The following LEKR1 variants were observed in gnomAD, a reference collection of about 807,000 sequenced individuals.
The protein encoded by LEKR1 is protein LEKR1.
In LEKR1, 59 loss-of-function variants were observed where a neutral mutation model predicts 72.4. The ratio of observed to expected loss-of-function variants is 0.82; its 90% CI spans 0.66 to 1.01. The LOEUF is 1.01. Among genes scored for constraint, LEKR1 ranks in the 50% least tolerant of loss-of-function variants. LEKR1 has a pLI of 0.00. For synonymous variants in LEKR1, 257 were observed against 263.2 expected (o/e 0.98, Z 0.23); for missense variants, 728 against 759.2 (o/e 0.96, Z 0.48).
intron 10 of LEKR1, among the ~76,000 whole-genome samples, chr3:157,023,830 A>G (rs936721675): frequency 6.6e-6 from 1 of 152,224 alleles, no homozygotes; most frequent in African/African-American, 2.4e-5. Flanking sequence ...TTCTAGCATT[A>G]TGATTCTATC....
chr3:156,872,662 A>G (rs1410439734), intron 3 of LEKR1, among the ~76,000 whole-genome samples: 1 of 151,984 alleles, frequency 6.6e-6, no homozygotes, highest in East Asian at 1.9e-4. Flanking sequence ...GTTTGTTTCA[A>G]AGAAGTTTTT....
intron 7 of LEKR1, among the ~76,000 whole-genome samples, chr3:156,987,055 TTG>T (rs1730756720): frequency 6.6e-6 from 1 of 151,664 alleles, no homozygotes; most frequent in African/African-American, 2.4e-5. Context: ...TTGTATTGTA[TTG>T]TATTGTATTG....
At position 157,028,389 on chromosome 3, in the gene LEKR1, A is replaced by G. The variant is rs575770788; in HGVS notation, c.1655A>G (p.Gln552Arg). 3 of 1,592,162 alleles carry G rather than the reference A, an allele frequency of 1.9e-6. No homozygotes were observed. Among genetic ancestry groups the G allele is most frequent in the East Asian group, 4.5e-5 (2 of 44,442 alleles). Reference protein sequence around the residue: ...AQTQLIEQFNQSQEENTFLQE... With the variant: ...AQTQLIEQFNRSQEENTFLQE... ...ACACAACTGATAGAGCAATTTAACC[A>G]GTCCCAGGAAGAGGTAGGAAGCAGA... is the stretch of plus-strand genomic sequence containing the variant. The change falls in exon 12 of 13, where the codon CAG becomes CGG. Residue 552 changes from glutamine to arginine, a missense_variant. Coordinates refer to ENST00000356539, the MANE Select transcript of LEKR1 (RefSeq NM_001004316.3).
At chr3:156,895,752 A>C (rs1721116777) in intron 3 of LEKR1, among the ~76,000 whole-genome samples, 1 of 152,212 alleles carries the variant, frequency 6.6e-6, no homozygotes, top group Admixed American at 6.5e-5. Context: ...ATGCTTTTAC[A>C]CTGGGGTGGG....
chr3:157,021,787 G>T (rs1007367971), intron 10 of LEKR1, among the ~76,000 whole-genome samples: 23 of 151,894 alleles, frequency 1.5e-4, no homozygotes, highest in Admixed American at 1.2e-3. Flanking sequence ...TATTAATAGT[G>T]CCAGAGCATC....
intron 6 of LEKR1, among the ~76,000 whole-genome samples, chr3:156,967,863 G>T (rs993488424): frequency 6.6e-6 from 1 of 152,088 alleles, no homozygotes; most frequent in African/African-American, 2.4e-5. Context: ...AAATGTTAAG[G>T]GCAGCCAGAG....
chr3:156,863,731 T>G (rs924868113), intron 3 of LEKR1, among the ~76,000 whole-genome samples: 1 of 152,072 alleles, frequency 6.6e-6, no homozygotes, highest in Non-Finnish European at 1.5e-5. Flanking sequence ...ATCTTTCTCT[T>G]TTATATGATA....
chr3:156,870,531 T>C (rs1717802768), intron 3 of LEKR1, among the ~76,000 whole-genome samples: 2 of 152,148 alleles, frequency 1.3e-5, no homozygotes, highest in Non-Finnish European at 2.9e-5. Flanking sequence ...TTTTTGTATG[T>C]TAATTTATGT....
At chr3:156,952,243 T>C (rs1201926084) in intron 6 of LEKR1, among the ~76,000 whole-genome samples, 3 of 151,414 alleles carry the variant, frequency 2.0e-5, no homozygotes, top group Non-Finnish European at 4.4e-5. Context: ...TGTAGATTCC[T>C]GGAGACTTTT....
At chr3:156,928,753 A>G (rs1044961538) in intron 5 of LEKR1, among the ~76,000 whole-genome samples, 6 of 152,132 alleles carry the variant, frequency 3.9e-5, no homozygotes, top group Admixed American at 6.5e-5. Flanking sequence ...GATGCTAAAT[A>G]GTCCATCTGA....
Position 157,045,799 on chromosome 3 carries a change from A to G in LEKR1, c.*49A>G. The stretch of plus-strand genomic sequence containing the variant: ...CCCTACAGCGTGCACGCTCTTTCAG[A>G]GAGTGCCAGGAATTCACTGTAACTG... On this transcript the variant is annotated 3_prime_UTR_variant, in exon 13 of 13. Transcript: ENST00000356539. 1 of 1,496,824 alleles carries G rather than the reference A, an allele frequency of 6.7e-7. No individual in the cohort carries two copies. Among genetic ancestry groups the G allele is most frequent in the Non-Finnish European group, 9.1e-7 (1 of 1,098,100 alleles). 92.7% of individuals were successfully genotyped at this position (1,496,824 alleles called of 1,614,324 possible).
intron 6 of LEKR1, among the ~76,000 whole-genome samples, chr3:156,952,825 C>T (rs1727284415): frequency 6.6e-6 from 1 of 151,236 alleles, no homozygotes; most frequent in Non-Finnish European, 1.5e-5. Context: ...TGATAGGTGA[C>T]TGGTTAAATA....
At position 156,996,371 on chromosome 3, in the gene LEKR1, G is replaced by A. The variant is rs962100446; in HGVS notation, c.1109+3094G>A. ...ACTTTTACAAGCAAAAGACAAGTTG[G>A]TGAGTTCTGGGAAAGGACAGCAGGG... On this transcript the variant is annotated intron_variant, in intron 9 of 12. Transcript: ENST00000356539. 3.3e-5 allele frequency among the ~76,000 whole-genome samples: 5 copies of A among 152,226 alleles called. No individual in the cohort carries two copies. In the South Asian group the frequency reaches 1.0e-3, roughly 32 times the overall value.
chr3:156,994,310 T>A (rs2108010598), intron 9 of LEKR1, among the ~76,000 whole-genome samples: 1 of 152,256 alleles, frequency 6.6e-6, no homozygotes, highest in Admixed American at 6.5e-5. Context: ...AACTCTTTCT[T>A]GCCAACACTG....
chr3:156,828,707 A>G (rs1711978220), intron 1 of LEKR1, among the ~76,000 whole-genome samples: 1 of 152,176 alleles, frequency 6.6e-6, no homozygotes, highest in Non-Finnish European at 1.5e-5. Flanking sequence ...TAAAAGTAAA[A>G]TATCTGCATA....
chr3:156,881,750 A>G (rs1719383026), intron 3 of LEKR1, among the ~76,000 whole-genome samples: 1 of 124,424 alleles, frequency 8.0e-6, no homozygotes, highest in African/African-American at 3.1e-5. Flanking sequence ...ACTTCAAACT[A>G]TACTACAAGG....
At chr3:156,883,052 A>AGATG (rs1288212906) in intron 3 of LEKR1, among the ~76,000 whole-genome samples, 7 of 152,152 alleles carry the variant, frequency 4.6e-5, no homozygotes, top group African/African-American at 1.7e-4. Context: ...ACCTAATGCC[A>AGATG]GATGACGTGT....
chr3:156,948,545 TGACA>T (rs1001727838), intron 6 of LEKR1, among the ~76,000 whole-genome samples: 21 of 151,214 alleles, frequency 1.4e-4, no homozygotes, highest in African/African-American at 4.3e-4. Context: ...ATAATAATGC[TGACA>T]GTGAACGTTC....
At chr3:156,857,838 A>G (rs935365680) in intron 3 of LEKR1, among the ~76,000 whole-genome samples, 17 of 152,214 alleles carry the variant, frequency 1.1e-4, no homozygotes, top group Non-Finnish European at 2.4e-4. Flanking sequence ...AGGTTGGCCT[A>G]TAGTTTTCTT....
Sources: gnomAD v4.1 joint callset for allele counts (sites outside exome capture counted in the v4.1 genomes callset) on GRCh38, gnomAD v4.1.1 for gene constraint, MANE v1.5 for transcripts, NCBI Gene and HGNC (gene_info 2026-07-23, HGNC 2026-07-21) for gene names.